Variants in ADAMTS12 observed in about 807,000 individuals in gnomAD.
The protein encoded by ADAMTS12 is ADAM metallopeptidase with thrombospondin type 1 motif 12.
In ADAMTS12, 118 loss-of-function variants were observed where a neutral mutation model predicts 167.8. That is an observed-to-expected ratio of 0.70 (90% CI 0.61 to 0.82). The LOEUF (loss-of-function observed/expected upper bound fraction) is 0.82, where lower values mean the gene tolerates loss of function less well. Ranked by LOEUF, ADAMTS12 falls within the 40% of genes least tolerant of loss-of-function variation. ADAMTS12 has a pLI of 0.00. For synonymous variants in ADAMTS12, 704 were observed against 716.9 expected (o/e 0.98, Z 0.29); for missense variants, 1,916 against 1,998.8 (o/e 0.96, Z 0.79).
At chr5:33,676,399 C>G (rs554993603) in intron 5 of ADAMTS12, among the ~76,000 whole-genome samples, 244 of 152,160 alleles carry the variant, frequency 1.6e-3, no homozygotes, top group African/African-American at 5.6e-3. Context: ...AAGAGACAAG[C>G]TGTAAAAGGT....
rs925560615 is a variant in ADAMTS12, at chr5:33,838,449, G to A, written c.489+42670C>T. 1.3e-4 allele frequency among the ~76,000 whole-genome samples: 20 copies of A among 152,154 alleles called. 1 individual carries two copies. The highest frequency in any genetic ancestry group is 3.3e-4 in the Admixed American group (5 of 15,266). ...TGTAATCCCAGCACTTTGGGAAGCC[G>A]AAGAAGGCAGATCACTTGAGGTCAG... On this transcript the variant is annotated intron_variant, in intron 2 of 23. Transcript: ENST00000504830.
chr5:33,647,307 A>G (rs1186942673), intron 9 of ADAMTS12, among the ~76,000 whole-genome samples: 1 of 152,202 alleles, frequency 6.6e-6, no homozygotes, highest in Non-Finnish European at 1.5e-5. Flanking sequence ...TTATAAATCC[A>G]TTTATAAATG....
At chr5:33,878,131 G>A (rs1750296713) in intron 2 of ADAMTS12, among the ~76,000 whole-genome samples, 1 of 152,190 alleles carries the variant, frequency 6.6e-6, no homozygotes, top group Admixed American at 6.5e-5. Flanking sequence ...CACGTGATCA[G>A]AAGTCAGGTA....
At chr5:33,615,430 C>T (rs1366830549) in intron 15 of ADAMTS12, among the ~76,000 whole-genome samples, 3 of 152,204 alleles carry the variant, frequency 2.0e-5, no homozygotes, top group Non-Finnish European at 4.4e-5. Flanking sequence ...CTAACTCCTC[C>T]TTCCAGCAAG....
chr5:33,852,295 AG>A (rs1749245343), intron 2 of ADAMTS12, among the ~76,000 whole-genome samples: 1 of 152,228 alleles, frequency 6.6e-6, no homozygotes, highest in Non-Finnish European at 1.5e-5. Context: ...GTTTTTAAAA[AG>A]GTTTTCTAGA....
chr5:33,676,671 CTCTG>C (rs1464504398), intron 5 of ADAMTS12, among the ~76,000 whole-genome samples: 37 of 141,338 alleles, frequency 2.6e-4, no homozygotes, highest in Admixed American at 5.2e-4. Flanking sequence ...CAGAGTGAGA[CTCTG>C]TCTATCTTAC....
chr5:33,776,780 C>T (rs1443826964), intron 2 of ADAMTS12, among the ~76,000 whole-genome samples: 1 of 151,612 alleles, frequency 6.6e-6, no homozygotes, highest in Non-Finnish European at 1.5e-5. Flanking sequence ...AATTGACAAA[C>T]CTTTAGCTAG....
Position 33,588,598 on chromosome 5 carries a change from C to T in ADAMTS12, c.2865+1G>A, listed in dbSNP as rs763462727. The T allele has an allele frequency of 2.5e-6, 4 of 1,614,080 alleles. No homozygotes were observed. Among genetic ancestry groups the T allele is most frequent in the Non-Finnish European group, 3.4e-6 (4 of 1,179,960 alleles). On this transcript the variant is annotated splice_donor_variant, in intron 18 of 23. Coordinates refer to ENST00000504830, the MANE Select transcript of ADAMTS12 (RefSeq NM_030955.4). LOFTEE classifies it high-confidence loss of function. ...GTTTCCCCGCCGAGCCCTGAGCTCA[C>T]CTCACTCCAGTTGCCCACTGTCCAG...
chr5:33,528,737 C>T (rs535569678), intron 23 of ADAMTS12, among the ~76,000 whole-genome samples: 88 of 152,178 alleles, frequency 5.8e-4, no homozygotes, highest in Non-Finnish European at 1.1e-3. Flanking sequence ...AAGCCAACAA[C>T]CCGTCAGCAA....
chr5:33,571,574 A>G (rs1450577635), intron 19 of ADAMTS12, among the ~76,000 whole-genome samples: 1 of 152,118 alleles, frequency 6.6e-6, no homozygotes, highest in Non-Finnish European at 1.5e-5. Context: ...ACATACCAGA[A>G]TCTCTGGGAC....
At chr5:33,832,677 T>A (rs182471088) in intron 2 of ADAMTS12, among the ~76,000 whole-genome samples, 34 of 152,298 alleles carry the variant, frequency 2.2e-4, no homozygotes, top group Admixed American at 1.6e-3. Flanking sequence ...TTTCCCTTGA[T>A]GCGGCTTGGT....
Position 33,627,238 on chromosome 5 carries a change from ATGGTGG to A in ADAMTS12, c.2023-2893_2023-2888del, listed in dbSNP as rs375015881. On this transcript the variant is annotated intron_variant, in intron 13 of 23. Coordinates refer to ENST00000504830, the MANE Select transcript of ADAMTS12 (RefSeq NM_030955.4). ...TAGTGGTGGTGGAGATGGTGGAGTG[ATGGTGG>A]TGGTGGTGGTGGTGGAGGTAGAGGT... Among the ~76,000 whole-genome samples, 571 of 128,588 alleles carry A rather than the reference ATGGTGG, an allele frequency of 4.4e-3. 4 individuals carry two copies. Among genetic ancestry groups the A allele is most frequent in the African/African-American group, 0.015 (511 of 33,850 alleles). The allele number at this position is 128,588 out of a possible 152,430, so 84.4% of individuals were successfully genotyped here.
chr5:33,588,791 C>T lies in ADAMTS12; in HGVS notation c.2673G>A (p.Trp891Ter). Residue 891 changes from tryptophan (W) to a stop codon, truncating the protein, a stop_gained, in exon 18 of 24, where the codon TGG becomes TGA. Coordinates refer to ENST00000504830, the MANE Select transcript of ADAMTS12 (RefSeq NM_030955.4). LOFTEE classifies it high-confidence loss of function. Reference sequence around the variant, plus strand: ...GCCCGCATGTCGCCGAGCATGCTTCCCACTCCCCTGCCCACCACCTGCAGG... The same window carrying T: ...GCCCGCATGTCGCCGAGCATGCTTCTCACTCCCCTGCCCACCACCTGCAGG... Reference protein sequence around the residue: ...ACPPRWWAGEWEACSATCGPH... With the variant: ...ACPPRWWAGE 1 of 1,613,520 alleles carries T rather than the reference C, an allele frequency of 6.2e-7. No homozygotes were observed. Among genetic ancestry groups the T allele is most frequent in the South Asian group, 1.1e-5 (1 of 91,048 alleles).
chr5:33,613,233 T>C (rs1738819952), intron 16 of ADAMTS12, among the ~76,000 whole-genome samples: 1 of 152,356 alleles, frequency 6.6e-6, no homozygotes, highest in African/African-American at 2.4e-5. Flanking sequence ...GACTTGGACG[T>C]GACCCAAAGG....
In ADAMTS12 at chr5:33,637,659, TGTTG is replaced by T; in HGVS notation, c.1802_1805del (p.Pro601HisfsTer39). ...ATTCACTGCACTGCATCTGCCGAAA[TGTTG>T]GTGCCTCTGAGCGACAGGGGTGGAC... On this transcript the variant is annotated frameshift_variant, in exon 12 of 24. Transcript: ENST00000504830. LOFTEE classifies it high-confidence loss of function. 1 of 1,613,790 alleles carries T rather than the reference TGTTG, an allele frequency of 6.2e-7. No homozygotes were observed. Among genetic ancestry groups the T allele is most frequent in the African/African-American group, 1.3e-5 (1 of 75,024 alleles).
At chr5:33,589,334 C>A (rs963562639) in intron 17 of ADAMTS12, among the ~76,000 whole-genome samples, 1 of 152,120 alleles carries the variant, frequency 6.6e-6, no homozygotes, top group African/African-American at 2.4e-5. Context: ...GGTCTCCTGG[C>A]TCTTAATTGA....
At chr5:33,808,193 A>C (rs1387205553) in intron 2 of ADAMTS12, among the ~76,000 whole-genome samples, 2 of 152,232 alleles carry the variant, frequency 1.3e-5, no homozygotes, top group Non-Finnish European at 2.9e-5. Context: ...CTTTACATAC[A>C]CTAGTGCAGT....
At chr5:33,700,295 C>A (rs1228857708) in intron 3 of ADAMTS12, among the ~76,000 whole-genome samples, 1 of 152,166 alleles carries the variant, frequency 6.6e-6, no homozygotes, top group African/African-American at 2.4e-5. Context: ...CCCAAATGTG[C>A]CTCAACCAGT....
chr5:33,826,586 G>GTGTATATATATA (rs1303599710), intron 2 of ADAMTS12, among the ~76,000 whole-genome samples: 1 of 149,582 alleles, frequency 6.7e-6, no homozygotes, highest in African/African-American at 2.5e-5. Flanking sequence ...GTGTGTGTGT[G>GTGTATATATATA]TATATATATA....
Sources: gnomAD v4.1 joint callset for allele counts (sites outside exome capture counted in the v4.1 genomes callset) on GRCh38, gnomAD v4.1.1 for gene constraint, MANE v1.5 for transcripts, NCBI Gene and HGNC (gene_info 2026-07-23, HGNC 2026-07-21) for gene names.